NAMPT: variants seen among roughly 807,000 people sequenced by gnomAD.
NAMPT encodes nicotinamide phosphoribosyltransferase.
In NAMPT, 7 loss-of-function variants were observed where a neutral mutation model predicts 58.7. The observed-to-expected ratio is 0.12, with a 90% CI of 0.07 to 0.22. The LOEUF (loss-of-function observed/expected upper bound fraction) is 0.22, where lower values mean the gene tolerates loss of function less well. NAMPT is among the 10% of genes least tolerant of loss of function. The pLI is 1.00. For synonymous variants in NAMPT, 145 were observed against 198.1 expected, an observed-to-expected ratio of 0.73 and a Z score of 2.25; for missense variants, 271 against 567.9, an observed-to-expected ratio of 0.48 and a Z score of 5.31.
intron 2 of NAMPT, chr7:106,275,641 A>T (rs7807469): frequency 0.61 from 93,248 of 152,148 alleles, 29,042 homozygotes; most frequent in East Asian, 0.89. Flanking sequence ...TTATAATTAA[A>T]AATGAGTAAT....
chr7:106,271,443 G>A (rs1422683570), intron 4 of NAMPT, among the ~76,000 whole-genome samples: 1 of 152,064 alleles, frequency 6.6e-6, no homozygotes, highest in East Asian at 1.9e-4. Flanking sequence ...CTCACTCAAA[G>A]GCCCTTTAAG....
chr7:106,268,367 G>T, intron 6 of NAMPT, 97 bp downstream of exon 6: 3 of 1,066,418 alleles, frequency 2.8e-6, no homozygotes, highest in Non-Finnish European at 1.4e-6. Context: ...AAGATGTACT[G>T]TAGGTACCTG....
intron 4 of NAMPT, among the ~76,000 whole-genome samples, chr7:106,269,641 A>G (rs1383126141): frequency 6.6e-6 from 1 of 152,216 alleles, no homozygotes; most frequent in South Asian, 2.1e-4. Flanking sequence ...AAGTTTCATG[A>G]TCTGTCATGG....
intron 4 of NAMPT, chr7:106,270,182 C>A: frequency 4.0e-6 from 1 of 252,232 alleles, no homozygotes; most frequent in Non-Finnish European, 9.1e-6. Flanking sequence ...TCTGTCTAAT[C>A]ACAGCAACCG....
intron 9 of NAMPT, 194 bp from the exon 10 acceptor site, chr7:106,253,345 TAAAG>T (rs927604146): frequency 2.7e-5 from 15 of 556,184 alleles, no homozygotes; most frequent in African/African-American, 9.5e-5. Context: ...TCGTTTGTAA[TAAAG>T]AAAAAGTATG....
intron 6 of NAMPT, among the ~76,000 whole-genome samples, chr7:106,266,240 A>C (rs954892370): frequency 3.9e-5 from 6 of 152,234 alleles, no homozygotes; most frequent in African/African-American, 1.4e-4. Flanking sequence ...TTACAAATGC[A>C]ATCAATATGA....
chr7:106,284,976 A>T lies in NAMPT; in HGVS notation c.-92T>A. 6.6e-7 allele frequency: 1 copy of T among 1,508,012 alleles called. No individual in the cohort carries two copies. The highest frequency in any genetic ancestry group is 8.9e-7 in the Non-Finnish European group (1 of 1,117,702). The allele number at this position is 1,508,012 out of a possible 1,614,324, so 93.4% of individuals were successfully genotyped here. ...TGAGCTTCACCGCGCTCCGTTGCTT[A>T]AGTCACTGCTCGGTCGGCGGAGGAG... is the stretch of plus-strand genomic sequence containing the variant. On this transcript the variant is annotated 5_prime_UTR_variant, in exon 1 of 11. Coordinates refer to ENST00000222553, the MANE Select transcript of NAMPT (RefSeq NM_005746.3).
At chr7:106,268,382 T>C in intron 6 of NAMPT, 82 bp downstream of exon 6, 1 of 1,303,966 alleles carries the variant, frequency 7.7e-7, no homozygotes, top group Non-Finnish European at 1.1e-6. Context: ...TACCTGGCTC[T>C]GCAGTTAGGT....
rs1792055348 is a variant in NAMPT at position 106,248,531 on chromosome 7, T to C, written c.*2552A>G. On this transcript the variant is annotated 3_prime_UTR_variant, in exon 11 of 11. Transcript: ENST00000222553. Reference sequence around the variant, plus strand: ...TAATTTTCCAAGATAGATTTCATTATAAAAATTGTTTGATAACAATTTAAG... The same window carrying C: ...TAATTTTCCAAGATAGATTTCATTACAAAAATTGTTTGATAACAATTTAAG... 1 of 152,320 alleles carries C rather than the reference T, an allele frequency of 6.6e-6. No individual in the cohort carries two copies. The highest frequency in any genetic ancestry group is 1.5e-5 in the Non-Finnish European group (1 of 67,984). The allele number at this position is 152,320 out of a possible 1,614,324, so 9.4% of individuals were successfully genotyped here.
intron 9 of NAMPT, chr7:106,253,484 A>C (rs143299229): frequency 1.6e-3 from 381 of 232,234 alleles, no homozygotes; most frequent in African/African-American, 8.3e-3. Flanking sequence ...TTAAACTGAC[A>C]GTAAGCACAG....
At chr7:106,267,860 A>AAAAAAAC (rs2115778996) in intron 6 of NAMPT, among the ~76,000 whole-genome samples, 9 of 137,574 alleles carry the variant, frequency 6.5e-5, no homozygotes, top group Admixed American at 3.0e-4. Context: ...AAAAAAAAAA[A>AAAAAAAC]AAAAAAAAAA....
At chr7:106,272,037 T>A in intron 4 of NAMPT, 1 of 323,590 alleles carries the variant, frequency 3.1e-6, no homozygotes, top group South Asian at 2.6e-5. Flanking sequence ...TTAAACAATA[T>A]GAACAGCAGA....
intron 9 of NAMPT, 43 bp from the exon 10 acceptor site, chr7:106,253,194 C>T (rs758285977): frequency 6.3e-7 from 1 of 1,597,208 alleles, no homozygotes; most frequent in Non-Finnish European, 8.5e-7. Context: ...GAAGACTAAT[C>T]ATCAGAAATG....
Position 106,269,187 on chromosome 7 carries a change from A to G in NAMPT, c.573T>C (p.His191=). 1 of 1,612,392 alleles carries G rather than the reference A, an allele frequency of 6.2e-7. No homozygotes were observed. The highest frequency in any genetic ancestry group is 8.5e-7 in the Non-Finnish European group (1 of 1,179,404). The stretch of plus-strand genomic sequence containing the variant: ...AAGAGACTCCTCTGTAGCCAAAATC[A>G]TGTAACTTGTATTCCAGACCATCTA... ...GNLDGLEYKL[H]DFGYRGVSSQ... is the part of the protein sequence containing the mutation. Residue 191 remains histidine, a synonymous_variant, in exon 5 of 11, where the codon CAT becomes CAC. Transcript: ENST00000222553.
intron 8 of NAMPT, among the ~76,000 whole-genome samples, chr7:106,255,917 A>G (rs551864451): frequency 5.3e-5 from 8 of 152,368 alleles, no homozygotes; most frequent in African/African-American, 1.7e-4. Context: ...CTCATTTTAG[A>G]TATGCTTCAG....
chr7:106,248,484 A>C lies in NAMPT; in HGVS notation c.*2599T>G, dbSNP rs2054049724. 2.0e-5 allele frequency: 3 copies of C among 152,452 alleles called. No homozygotes were observed. The Admixed American group carries it at 2.0e-4, about 10-fold the overall frequency. 9.4% of individuals were successfully genotyped at this position (152,452 alleles called of 1,614,324 possible). ...CTAAATTATGGCAAACAGAACAATA[A>C]ATACCTTGCCATTTTTCTTTCTAAT... On this transcript the variant is annotated 3_prime_UTR_variant, in exon 11 of 11. Transcript: ENST00000222553.
In NAMPT at chr7:106,250,335, A is replaced by G. The variant is rs1262848797; in HGVS notation, c.*748T>C. The G allele has an allele frequency of 1.3e-5, 2 of 152,402 alleles. No homozygotes were observed. The highest frequency in any genetic ancestry group is 4.8e-5 in the African/African-American group (2 of 41,412). The allele number at this position is 152,402 out of a possible 1,614,324, so 9.4% of individuals were successfully genotyped here. A position where few individuals can be genotyped will look rare whatever the true frequency, so the allele number is the denominator to read the frequency against. On this transcript the variant is annotated 3_prime_UTR_variant, in exon 11 of 11. Transcript: ENST00000222553. ...GAGCCACAGGCAATCTCTGACATAT[A>G]AAATTGCAGTACAGGCCTTTCAAAT...
At chr7:106,284,241 G>A (rs888370422) in intron 1 of NAMPT, 1 of 152,106 alleles carries the variant, frequency 6.6e-6, no homozygotes, top group African/African-American at 2.4e-5. Flanking sequence ...AATCCACTAC[G>A]GCTACCGGGG....
chr7:106,248,955 A>C lies in NAMPT; in HGVS notation c.*2128T>G, dbSNP rs1586007151. ...TGTGAACAAAGAGATAGCTTTTTTC[A>C]CTGCAAATTTCTAAATTAAACTCTA... On this transcript the variant is annotated 3_prime_UTR_variant, in exon 11 of 11. Transcript: ENST00000222553. The C allele has an allele frequency of 1.3e-5, 2 of 152,224 alleles. No homozygotes were observed. The highest frequency in any genetic ancestry group is 4.8e-5 in the African/African-American group (2 of 41,568). The allele number at this position is 152,224 out of a possible 1,614,324, so 9.4% of individuals were successfully genotyped here.
Sources: allele counts gnomAD v4.1 joint callset (sites outside exome capture counted in the v4.1 genomes callset), GRCh38; gene constraint gnomAD v4.1.1; transcripts MANE v1.5; gene names NCBI Gene and HGNC (gene_info 2026-07-23, HGNC 2026-07-21).